Variants in FAM168B observed in about 807,000 individuals in gnomAD.
FAM168B encodes the protein myelin-associated neurite-outgrowth inhibitor.
FAM168B carries 19 observed loss-of-function variants against 21.8 expected under a neutral mutation model. The ratio of observed to expected loss-of-function variants is 0.87; its 90% confidence interval spans 0.61 to 1.28. The LOEUF is 1.28. FAM168B is among the 50% of genes most tolerant of loss of function. The probability of loss-of-function intolerance (pLI) is 0.00; values close to 1 mark genes in which losing one functional copy is unlikely to be tolerated. For synonymous variants in FAM168B, 126 were observed against 104.8 expected, an observed-to-expected ratio of 1.20 and a Z score of -1.24; for missense variants, 233 against 263.1, an observed-to-expected ratio of 0.89 and a Z score of 0.79.
chr2:131,078,050 A>G (rs1290692805), intron 2 of FAM168B, among the ~76,000 whole-genome samples: 1 of 152,190 alleles, frequency 6.6e-6, no homozygotes, highest in African/African-American at 2.4e-5. Context: ...TCAGCATGCT[A>G]CCTTCCCAGC....
At chr2:131,078,882 A>T (rs1217536884) in intron 2 of FAM168B, among the ~76,000 whole-genome samples, 2 of 151,734 alleles carry the variant, frequency 1.3e-5, no homozygotes, top group African/African-American at 2.4e-5. Context: ...GCTACTTGGG[A>T]GGCTGAGGCA....
intron 5 of FAM168B, among the ~76,000 whole-genome samples, chr2:131,053,942 G>A (rs1343224457): frequency 6.6e-6 from 1 of 152,124 alleles, no homozygotes; most frequent in African/African-American, 2.4e-5. Flanking sequence ...AGTGACTCAC[G>A]CCTGTAAGCC....
At position 131,048,415 on chromosome 2, in the gene FAM168B, G is replaced by GT. The variant is rs1045684218; in HGVS notation, c.*4049dup. 6 of 1,244,628 alleles carry GT rather than the reference G, an allele frequency of 4.8e-6. No homozygotes were observed. The highest frequency in any genetic ancestry group is 6.3e-6 in the Non-Finnish European group (6 of 954,218). The allele number at this position is 1,244,628 out of a possible 1,614,324, so 77.1% of individuals were successfully genotyped here. A position where few individuals can be genotyped will look rare whatever the true frequency, so the allele number is the denominator to read the frequency against. On this transcript the variant is annotated 3_prime_UTR_variant, in exon 7 of 7. Coordinates refer to ENST00000389915, the MANE Select transcript of FAM168B (RefSeq NM_001009993.4). ...CACCCTTCTGCAGGCCCGGGGGGGG[G>GT]TCCCTACACAGACGCCGCTCATCCT...
chr2:131,078,928 A>G (rs191719719), intron 2 of FAM168B, among the ~76,000 whole-genome samples: 2 of 151,368 alleles, frequency 1.3e-5, no homozygotes, highest in East Asian at 3.9e-4. Context: ...TTGAGGCTGC[A>G]GTGAGCCGTG....
chr2:131,061,675 G>A (rs1692301684), intron 3 of FAM168B, among the ~76,000 whole-genome samples: 1 of 152,086 alleles, frequency 6.6e-6, no homozygotes, highest in Non-Finnish European at 1.5e-5. Flanking sequence ...CCAGCCACTC[G>A]GGAAGCTGAG....
intron 2 of FAM168B, among the ~76,000 whole-genome samples, chr2:131,081,071 C>T (rs548218310): frequency 2.0e-5 from 3 of 152,296 alleles, no homozygotes; most frequent in African/African-American, 7.2e-5. Flanking sequence ...ATGTTGCATT[C>T]TGGTTCTCTC....
In FAM168B at chr2:131,079,036, T is replaced by A. The variant is rs150094130; in HGVS notation, c.70+3541A>T. On this transcript the variant is annotated intron_variant, in intron 2 of 6. Coordinates refer to ENST00000389915, the MANE Select transcript of FAM168B (RefSeq NM_001009993.4). Reference sequence around the variant, plus strand: ...GACAGAAACCAGATGACAAATTTTATCTTTAAAGTGCTGAGAGGAAATAAT... The same window carrying A: ...GACAGAAACCAGATGACAAATTTTAACTTTAAAGTGCTGAGAGGAAATAAT... Among the ~76,000 whole-genome samples, 581 of 151,326 alleles carry A rather than the reference T, an allele frequency of 3.8e-3. 1 individual carries two copies. Among genetic ancestry groups the A allele is most frequent in the Non-Finnish European group, 6.1e-3 (412 of 67,764 alleles).
chr2:131,059,210 G>A (rs1042752423), intron 3 of FAM168B, among the ~76,000 whole-genome samples: 2 of 152,172 alleles, frequency 1.3e-5, no homozygotes, highest in African/African-American at 2.4e-5. Flanking sequence ...TTGGCTTCAG[G>A]GGGAAAAGAA....
chr2:131,061,017 A>C (rs1395200641), intron 3 of FAM168B, among the ~76,000 whole-genome samples: 2 of 150,486 alleles, frequency 1.3e-5, no homozygotes, highest in African/African-American at 2.4e-5. Context: ...AAGCCTGGCT[A>C]ATTTTTTTTT....
At position 131,050,433 on chromosome 2, in the gene FAM168B, T is replaced by C. The variant is rs1691588370; in HGVS notation, c.*2032A>G. The C allele has an allele frequency of 1.0e-6, 1 of 985,684 alleles. No individual in the cohort carries two copies. Among genetic ancestry groups the C allele is most frequent in the East Asian group, 1.1e-4 (1 of 8,822 alleles). The allele number at this position is 985,684 out of a possible 1,614,324, so 61.1% of individuals were successfully genotyped here. On this transcript the variant is annotated 3_prime_UTR_variant, in exon 7 of 7. Coordinates refer to ENST00000389915, the MANE Select transcript of FAM168B (RefSeq NM_001009993.4). The stretch of plus-strand genomic sequence containing the variant: ...TCCTGCCAACCATCCACTAAACAGA[T>C]GGAATTACCAACAGAGACTTGAAGA...
intron 3 of FAM168B, among the ~76,000 whole-genome samples, chr2:131,062,748 T>C (rs1203210652): frequency 6.6e-6 from 1 of 152,084 alleles, no homozygotes; most frequent in Non-Finnish European, 1.5e-5. Context: ...GCGTCCGGCC[T>C]ACCCAAGGTG....
chr2:131,077,191 T>C (rs1311067137), intron 2 of FAM168B, among the ~76,000 whole-genome samples: 3 of 143,064 alleles, frequency 2.1e-5, no homozygotes, highest in Non-Finnish European at 4.5e-5. Flanking sequence ...CAAGATGGAG[T>C]GTATGTAACG....
chr2:131,066,306 G>A (rs1692555593), intron 3 of FAM168B, among the ~76,000 whole-genome samples: 1 of 151,880 alleles, frequency 6.6e-6, no homozygotes, highest in East Asian at 1.9e-4. Flanking sequence ...CTCCCGAGTA[G>A]CTGGGACTAC....
At chr2:131,066,158 T>C (rs1279646032) in intron 3 of FAM168B, among the ~76,000 whole-genome samples, 1 of 148,114 alleles carries the variant, frequency 6.8e-6, no homozygotes, top group East Asian at 2.0e-4. Flanking sequence ...GCAACATTTG[T>C]ATCTTTTTTT....
intron 3 of FAM168B, among the ~76,000 whole-genome samples, chr2:131,058,250 T>C (rs1692123185): frequency 6.6e-6 from 1 of 152,210 alleles, no homozygotes; most frequent in African/African-American, 2.4e-5. Flanking sequence ...GTGACATGGA[T>C]ATATTGCACA....
intron 3 of FAM168B, among the ~76,000 whole-genome samples, chr2:131,066,234 C>A (rs1159231859): frequency 1.3e-5 from 2 of 149,960 alleles, no homozygotes; most frequent in Non-Finnish European, 2.9e-5. Flanking sequence ...GGTGCGATCT[C>A]GATCTCGACT....
At chr2:131,057,081 T>C (rs940324737) in intron 3 of FAM168B, among the ~76,000 whole-genome samples, 1 of 152,156 alleles carries the variant, frequency 6.6e-6, no homozygotes, top group African/African-American at 2.4e-5. Flanking sequence ...CACATTCCCA[T>C]GGGTGAGAGC....
intron 1 of FAM168B, among the ~76,000 whole-genome samples, chr2:131,087,666 A>G (rs1316967408): frequency 6.6e-6 from 1 of 152,180 alleles, no homozygotes; most frequent in East Asian, 1.9e-4. Flanking sequence ...ACAACCACCA[A>G]GTGGAGACCC....
intron 1 of FAM168B, among the ~76,000 whole-genome samples, chr2:131,084,874 C>T (rs896587017): frequency 2.0e-5 from 3 of 152,120 alleles, no homozygotes; most frequent in Non-Finnish European, 4.4e-5. Context: ...AGGTGTGCAT[C>T]GCCACGTCTG....
Sources: allele counts gnomAD v4.1 joint callset (sites outside exome capture counted in the v4.1 genomes callset), GRCh38; gene constraint gnomAD v4.1.1; transcripts MANE v1.5; gene names NCBI Gene and HGNC (gene_info 2026-07-23, HGNC 2026-07-21).